The following SLC43A2 variants were observed in gnomAD, a reference collection of about 807,000 sequenced individuals.
SLC43A2 encodes the protein solute carrier family 43 member 2, also known as large neutral amino acids transporter small subunit 4.
A neutral mutation model predicts 63.2 loss-of-function variants in SLC43A2; 38 were observed. That is an observed-to-expected ratio of 0.60 (90% CI 0.46 to 0.79). SLC43A2 has a LOEUF of 0.79. SLC43A2 is among the 30% of genes least tolerant of loss of function. The probability of loss-of-function intolerance (pLI) is 0.00; values close to 1 mark genes in which losing one functional copy is unlikely to be tolerated. For missense variants in SLC43A2, 644 were observed against 756.2 expected, an observed-to-expected ratio of 0.85 and a Z score of 1.74; for synonymous variants, 322 against 331.0, an observed-to-expected ratio of 0.97 and a Z score of 0.30.
At chr17:1,626,172 C>CTTTTT (rs35737749) in intron 2 of SLC43A2, among the ~76,000 whole-genome samples, 1 of 134,556 alleles carries the variant, frequency 7.4e-6, no homozygotes, top group Non-Finnish European at 1.6e-5. Flanking sequence ...TTTTTTTCTG[C>CTTTTT]TTTTTTTTTT....
intron 4 of SLC43A2, among the ~76,000 whole-genome samples, chr17:1,613,675 G>A (rs898310607): frequency 3.3e-5 from 5 of 152,284 alleles, no homozygotes; most frequent in Non-Finnish European, 7.4e-5. Flanking sequence ...GGCCTCGGGT[G>A]ATCTGCCGAT....
At chr17:1,615,465 G>T (rs1480391909) in intron 3 of SLC43A2, among the ~76,000 whole-genome samples, 1 of 151,682 alleles carries the variant, frequency 6.6e-6, no homozygotes, top group South Asian at 2.1e-4. Context: ...AATGGCATAG[G>T]GGGCCGGGAG....
rs555752208 is a variant in SLC43A2, at chr17:1,594,121, G to A, written c.502-842C>T. Among the ~76,000 whole-genome samples, 11 of 152,136 alleles carry A rather than the reference G, an allele frequency of 7.2e-5. No individual in the cohort carries two copies. In the East Asian group the frequency reaches 1.2e-3, roughly 16 times the overall value. ...ACTACAGGCGTGAGCCACCGCGCCC[G>A]GCCTCCTGCTTCTGAATTTCTCAGT... On this transcript the variant is annotated intron_variant, in intron 5 of 13. Coordinates refer to ENST00000301335, the MANE Select transcript of SLC43A2 (RefSeq NM_152346.3).
At chr17:1,611,110 C>G (rs1567640428) in intron 5 of SLC43A2, among the ~76,000 whole-genome samples, 1 of 149,222 alleles carries the variant, frequency 6.7e-6, no homozygotes, top group Non-Finnish European at 1.5e-5. Flanking sequence ...TCCCGGAGTG[C>G]TGGGATTACA....
chr17:1,576,829 C>A, intron 12 of SLC43A2, 109 bp from the exon 13 acceptor site: 1 of 1,376,304 alleles, frequency 7.3e-7, no homozygotes. Flanking sequence ...GGGTGGGGTG[C>A]CAGCCCTCGG....
intron 2 of SLC43A2, among the ~76,000 whole-genome samples, chr17:1,619,843 G>T (rs1907993361): frequency 1.3e-5 from 2 of 152,228 alleles, no homozygotes; most frequent in South Asian, 4.1e-4. Context: ...CAGGGCCCAG[G>T]ATGGGTGACT....
At chr17:1,596,391 G>C (rs527721146) in intron 5 of SLC43A2, among the ~76,000 whole-genome samples, 1 of 151,660 alleles carries the variant, frequency 6.6e-6, no homozygotes, top group East Asian at 2.0e-4. Context: ...TGGAAGGCTG[G>C]GGCAGCGGGA....
At chr17:1,609,190 T>C (rs1906875395) in intron 5 of SLC43A2, among the ~76,000 whole-genome samples, 2 of 152,180 alleles carry the variant, frequency 1.3e-5, no homozygotes. Flanking sequence ...TACGTGCTGG[T>C]GGGCCTGTGG....
At chr17:1,587,239 C>T (rs527542649) in intron 9 of SLC43A2, among the ~76,000 whole-genome samples, 2 of 152,216 alleles carry the variant, frequency 1.3e-5, no homozygotes, top group South Asian at 2.1e-4. Flanking sequence ...GGGTCACAGG[C>T]GGACTGGTGA....
intron 3 of SLC43A2, 82 bp downstream of exon 3, chr17:1,616,480 C>T (rs1208063959): frequency 9.5e-6 from 13 of 1,364,978 alleles, no homozygotes; most frequent in African/African-American, 1.4e-5. Flanking sequence ...ATATCAGGTA[C>T]GACCAGGATA....
chr17:1,612,610 C>T (rs1396251737), intron 5 of SLC43A2, among the ~76,000 whole-genome samples: 2 of 152,264 alleles, frequency 1.3e-5, no homozygotes, highest in African/African-American at 2.4e-5. Context: ...TTTTGTCTTC[C>T]TGCCTCTGCC....
chr17:1,577,368 C>G lies in SLC43A2; in HGVS notation c.1425-648G>C, dbSNP rs1437724842. 6.6e-6 allele frequency among the ~76,000 whole-genome samples: 1 copy of G among 152,174 alleles called. No individual in the cohort carries two copies. The highest frequency in any genetic ancestry group is 1.5e-5 in the Non-Finnish European group (1 of 68,034). On this transcript the variant is annotated intron_variant, in intron 12 of 13. Transcript: ENST00000301335. The surrounding 1 kb of genome is among the most constrained non-coding windows in gnomAD (Gnocchi z 4.9). The stretch of plus-strand genomic sequence containing the variant: ...GCTGGGCTTGGCTCTGCAGTGCCCT[C>G]GTCCAGAGAAGCATTGAGTAATCGC...
In SLC43A2 at chr17:1,613,336, C is replaced by T. The variant is rs962959014; in HGVS notation, c.425-65G>A. ...TGAGCTCCAGGGAAGCCGGGACCAG[C>T]CCAGAGTCCTGCGCGGTGCAGGCTC... On this transcript the variant is annotated intron_variant, in intron 4 of 13. Coordinates refer to ENST00000301335, the MANE Select transcript of SLC43A2 (RefSeq NM_152346.3). 6 of 1,484,094 alleles carry T rather than the reference C, an allele frequency of 4.0e-6. No individual in the cohort carries two copies. In the African/African-American group the frequency reaches 8.3e-5, roughly 21 times the overall value. The allele number at this position is 1,484,094 out of a possible 1,614,324, so 91.9% of individuals were successfully genotyped here.
chr17:1,605,303 A>G lies in SLC43A2; in HGVS notation c.501+7892T>C. 6.5e-6 allele frequency: 6 copies of G among 923,310 alleles called. No individual in the cohort carries two copies. The highest frequency in any genetic ancestry group is 7.9e-6 in the Non-Finnish European group (6 of 761,164). The allele number at this position is 923,310 out of a possible 1,614,324, so 57.2% of individuals were successfully genotyped here. On this transcript the variant is annotated intron_variant, in intron 5 of 13. Coordinates refer to ENST00000301335, the MANE Select transcript of SLC43A2 (RefSeq NM_152346.3). The surrounding 1 kb of genome is among the most constrained non-coding windows in gnomAD (Gnocchi z 4.9). ...GTGTGACCTTCCCAGAGGGGAAAACAGCAGCTGCAGGCGGCCCCTCCCCTG... is the reference window on the plus strand; with the variant it reads ...GTGTGACCTTCCCAGAGGGGAAAACGGCAGCTGCAGGCGGCCCCTCCCCTG...
Position 1,606,870 on chromosome 17 carries a change from C to A in SLC43A2, c.501+6325G>T, listed in dbSNP as rs2151066370. Among the ~76,000 whole-genome samples the A allele has an allele frequency of 6.6e-6, 1 of 152,348 alleles. No homozygotes were observed. The highest frequency in any genetic ancestry group is 2.4e-5 in the African/African-American group (1 of 41,586). ...CAGCACTGGCTACTGGGCAGCCTAC[C>A]TGACGCGACAGCCACCCTTGCCCCT... On this transcript the variant is annotated intron_variant, in intron 5 of 13. Transcript: ENST00000301335. The surrounding 1 kb of genome is among the most constrained non-coding windows in gnomAD (Gnocchi z 4.7).
chr17:1,576,627 C>T lies in SLC43A2; in HGVS notation c.1518G>A (p.Met506Ile), dbSNP rs771725763. The change falls in exon 13 of 14, where the codon ATG becomes ATA. Residue 506 changes from methionine to isoleucine, a missense_variant. Met to Ile is a conservative substitution (Grantham distance 10). This residue lies in a region of SLC43A2 where 105 missense variants were observed against 101.7 expected (regional missense o/e 1.03). Transcript: ENST00000301335. ...GAGGGTCTCCCTGGAGAGGACCCAT[C>T]ATGGCCAGAAACAGCGGCTGCTGCA... ...ALLQQPLFLA[M>I]MGPLQGDPLW... is the part of the protein sequence containing the mutation. 44 of 1,610,164 alleles carry T rather than the reference C, an allele frequency of 2.7e-5. No homozygotes were observed. Among genetic ancestry groups the T allele is most frequent in the Non-Finnish European group, 3.3e-5 (39 of 1,179,966 alleles).
In SLC43A2 at chr17:1,590,934, T is replaced by G; in HGVS notation, c.946A>C (p.Met316Leu). 1 of 1,550,460 alleles carries G rather than the reference T, an allele frequency of 6.4e-7. No individual in the cohort carries two copies. The highest frequency in any genetic ancestry group is 1.2e-5 in the South Asian group (1 of 84,024). Residue 316 changes from methionine to leucine, a missense_variant, in exon 9 of 14, where the codon ATG becomes CTG. Physicochemically the swap from Met to Leu is conservative, Grantham distance 15. This residue lies in a region of SLC43A2 where 528 missense variants were observed against 623.6 expected (regional missense o/e 0.85). Transcript: ENST00000301335. Reference protein sequence around the residue: ...QPDAAVAPSFMHSVFSPILLL... With the variant: ...QPDAAVAPSFLHSVFSPILLL... ...AGGATGGGGCTGAACACGCTGTGCA[T>G]GAAGGAGGGGGCCACTGCAGGGAGA...
rs940223089 is a variant in SLC43A2, at chr17:1,583,743, G to A, written c.1218-407C>T. 8 of 192,784 alleles carry A rather than the reference G, an allele frequency of 4.1e-5. No individual in the cohort carries two copies. The highest frequency in any genetic ancestry group is 8.8e-5 in the Non-Finnish European group (8 of 91,176). The allele number at this position is 192,784 out of a possible 1,614,324, so 11.9% of individuals were successfully genotyped here. A position where few individuals can be genotyped will look rare whatever the true frequency, so the allele number is the denominator to read the frequency against. ...CCAGATACAAGCCAAATAGGGGAGTGAATGGGTTTCCCCTTGTGGGGACAG... is the reference window on the plus strand; with the variant it reads ...CCAGATACAAGCCAAATAGGGGAGTAAATGGGTTTCCCCTTGTGGGGACAG... On this transcript the variant is annotated intron_variant, in intron 10 of 13. Coordinates refer to ENST00000301335, the MANE Select transcript of SLC43A2 (RefSeq NM_152346.3). The surrounding 1 kb of genome is among the most constrained non-coding windows in gnomAD (Gnocchi z 5.5).
At chr17:1,586,159 G>T in intron 9 of SLC43A2, 108 bp from the exon 10 acceptor site, 1 of 1,428,154 alleles carries the variant, frequency 7.0e-7, no homozygotes, top group Non-Finnish European at 9.2e-7. Context: ...TCTGGGGTCT[G>T]CCCCAGAACC....
Sources: allele counts gnomAD v4.1 joint callset (sites outside exome capture counted in the v4.1 genomes callset), GRCh38; gene constraint gnomAD v4.1.1; regional missense constraint gnomAD v4.1.1; non-coding constraint Gnocchi (gnomAD v3.1); transcripts MANE v1.5; gene names NCBI Gene and HGNC (gene_info 2026-07-23, HGNC 2026-07-21).